The following TRANK1 variants were observed in gnomAD, a reference collection of about 807,000 sequenced individuals.
The protein encoded by TRANK1 is TPR and ankyrin repeat-containing protein 1.
TRANK1 carries 198 observed loss-of-function variants against 266.0 expected under a neutral mutation model. That is an observed-to-expected ratio of 0.74 (90% CI 0.66 to 0.84). The LOEUF (loss-of-function observed/expected upper bound fraction) is 0.84, where lower values mean the gene tolerates loss of function less well. Ranked by LOEUF, TRANK1 falls within the 40% of genes least tolerant of loss-of-function variation. The pLI is 0.00. For synonymous variants in TRANK1, 1,396 were observed against 1,384.1 expected (o/e 1.01, Z -0.19); for missense variants, 3,326 against 3,634.6 (o/e 0.92, Z 2.18).
chr3:36,880,652 C>G (rs2079517042), intron 8 of TRANK1: 1 of 185,480 alleles, frequency 5.4e-6, no homozygotes, highest in Non-Finnish European at 1.2e-5. Context: ...CTTTTTCCAC[C>G]ACAAATTCTC....
chr3:36,906,928 A>G (rs751306033), intron 2 of TRANK1, among the ~76,000 whole-genome samples: 10 of 152,328 alleles, frequency 6.6e-5, no homozygotes, highest in Admixed American at 3.3e-4. Flanking sequence ...TACAATAATT[A>G]AGACATAATG....
intron 9 of TRANK1, among the ~76,000 whole-genome samples, chr3:36,866,446 C>CCAGTAGG (rs1559440095): frequency 6.6e-6 from 1 of 152,106 alleles, no homozygotes; most frequent in East Asian, 1.9e-4. Context: ...AGGAGGAAGA[C>CCAGTAGG]CAGTAGGTGA....
intron 2 of TRANK1, among the ~76,000 whole-genome samples, chr3:36,904,278 C>G (rs576147222): frequency 6.6e-6 from 1 of 151,814 alleles, no homozygotes; most frequent in Non-Finnish European, 1.5e-5. Flanking sequence ...TGCCTGTAAT[C>G]GCAGCACTTC....
chr3:36,856,686 C>G lies in TRANK1; in HGVS notation c.3036G>C (p.Glu1012Asp), dbSNP rs1485935548. 2 of 1,613,934 alleles carry G rather than the reference C, an allele frequency of 1.2e-6. No homozygotes were observed. Among genetic ancestry groups the G allele is most frequent in the Non-Finnish European group, 8.5e-7 (1 of 1,179,916 alleles). Residue 1012 changes from glutamate (E) to aspartate (D), a missense_variant, in exon 13 of 24, where the codon GAG (glutamate) becomes GAC (aspartate). Transcript: ENST00000645898. Reference protein sequence around the residue: ...AEKGREHVNPEYFPPASAVET... With the variant: ...AEKGREHVNPDYFPPASAVET... ...CCACTGCACTGGCTGGGGGAAAGTACTCAGGATTGACATGCTCCCTGCCCT... is the reference window on the plus strand; with the variant it reads ...CCACTGCACTGGCTGGGGGAAAGTAGTCAGGATTGACATGCTCCCTGCCCT...
chr3:36,841,642 G>A (rs1174696990), intron 18 of TRANK1, among the ~76,000 whole-genome samples: 2 of 151,980 alleles, frequency 1.3e-5, no homozygotes, highest in East Asian at 3.9e-4. Flanking sequence ...ATAGAAGGAA[G>A]ACCACTGAGG....
intron 1 of TRANK1, among the ~76,000 whole-genome samples, chr3:36,924,009 G>A (rs181939347): frequency 6.6e-6 from 1 of 152,178 alleles, no homozygotes; most frequent in East Asian, 1.9e-4. Flanking sequence ...CACGTTTGGG[G>A]TAACTCAGGT....
At chr3:36,886,466 T>C (rs2079607670) in intron 8 of TRANK1, among the ~76,000 whole-genome samples, 2 of 152,148 alleles carry the variant, frequency 1.3e-5, no homozygotes, top group South Asian at 2.1e-4. Flanking sequence ...AGGGTTTCTG[T>C]GTTTATAAGA....
intron 15 of TRANK1, chr3:36,851,223 C>G: frequency 2.0e-6 from 2 of 985,992 alleles, no homozygotes; most frequent in Non-Finnish European, 2.4e-6. Context: ...CTAGAGGGGT[C>G]TCTCATGCAA....
upstream of TRANK1, among the ~76,000 whole-genome samples, chr3:36,945,723 C>A (rs1008586691): frequency 6.6e-6 from 1 of 152,196 alleles, no homozygotes; most frequent in Non-Finnish European, 1.5e-5. Context: ...GTCTTCACAG[C>A]TTCTCTGGGC....
In TRANK1 at chr3:36,856,239, G is replaced by A. The variant is rs758863757; in HGVS notation, c.3483C>T (p.Cys1161=). The change falls in exon 13 of 24, where the codon TGC becomes TGT. Residue 1161 remains cysteine (C), a synonymous_variant. Coordinates refer to ENST00000645898, the MANE Select transcript of TRANK1 (RefSeq NM_001329998.2). ...CTGGCTCCACACCGGCTCCTCCTGC[G>A]CAGGCTTCATACTCCTGCTCATCTA... ...ESIDEQEYEA[C]AGGAGVEPAG... The A allele has an allele frequency of 2.6e-5, 42 of 1,612,774 alleles. No homozygotes were observed. Among genetic ancestry groups the A allele is most frequent in the Middle Eastern group, 1.6e-4 (1 of 6,084 alleles).
chr3:36,849,798 G>C (rs2078963504), intron 15 of TRANK1, among the ~76,000 whole-genome samples: 1 of 152,206 alleles, frequency 6.6e-6, no homozygotes, highest in Admixed American at 6.5e-5. Context: ...ATGATAAACT[G>C]AGAGTGTGCT....
At chr3:36,860,856 C>A (rs946461880) in intron 11 of TRANK1, 50 bp downstream of exon 11, 1 of 1,528,452 alleles carries the variant, frequency 6.5e-7, no homozygotes, top group Non-Finnish European at 8.8e-7. Flanking sequence ...GACTCCATCA[C>A]GTGGAGAATG....
intron 10 of TRANK1, among the ~76,000 whole-genome samples, chr3:36,861,766 C>T (rs909428830): frequency 2.8e-5 from 4 of 141,380 alleles, no homozygotes; most frequent in South Asian, 2.2e-4. Context: ...AATACAGTGG[C>T]GCGATCTCGG....
At chr3:36,911,711 T>C (rs900649499) in intron 1 of TRANK1, among the ~76,000 whole-genome samples, 7 of 152,320 alleles carry the variant, frequency 4.6e-5, no homozygotes, top group African/African-American at 1.7e-4. Flanking sequence ...TACAATAGAA[T>C]ACAGATGGCT....
chr3:36,902,749 G>A (rs960761205), intron 3 of TRANK1, among the ~76,000 whole-genome samples: 6 of 152,160 alleles, frequency 3.9e-5, no homozygotes, highest in Non-Finnish European at 8.8e-5. Flanking sequence ...TGAAACTTGC[G>A]AACGGCAAAG....
intron 22 of TRANK1, 83 bp from the exon 23 acceptor site, chr3:36,829,745 C>A: frequency 7.1e-7 from 1 of 1,417,440 alleles, no homozygotes; most frequent in Non-Finnish European, 9.8e-7. Context: ...AGAGTCCCCA[C>A]ATCCCAAGAG....
At position 36,831,032 on chromosome 3, in the gene TRANK1, C is replaced by T; in HGVS notation, c.8551G>A (p.Glu2851Lys). Residue 2851 changes from glutamate to lysine, a missense_variant, in exon 22 of 24, where the codon GAA (glutamate) becomes AAA (lysine). Coordinates refer to ENST00000645898, the MANE Select transcript of TRANK1 (RefSeq NM_001329998.2). This position sits in a 1 kb window ranked among gnomAD's most constrained non-coding sequence, Gnocchi z 5.0. ...ATGTCCTGCACCACCAGCTTGCCTT[C>T]ATCAATGGCCGGGTCCACCTTCTCG... is the stretch of plus-strand genomic sequence containing the variant. ...FHEKVDPAID[E>K]GKLVVQDIEQ... 6.2e-7 allele frequency: 1 copy of T among 1,614,050 alleles called. No homozygotes were observed. The highest frequency in any genetic ancestry group is 8.5e-7 in the Non-Finnish European group (1 of 1,179,902).
At chr3:36,887,887 C>T (rs1284837121) in intron 8 of TRANK1, among the ~76,000 whole-genome samples, 3 of 152,166 alleles carry the variant, frequency 2.0e-5, no homozygotes, top group East Asian at 1.9e-4. Context: ...AAGCTGGAAT[C>T]GTCATACACT....
chr3:36,879,606 A>G lies in TRANK1; in HGVS notation c.908-5310T>C, dbSNP rs184469001. Among the ~76,000 whole-genome samples the G allele has an allele frequency of 3.9e-5, 4 of 103,766 alleles. 1 individual carries two copies. Among genetic ancestry groups the G allele is most frequent in the African/African-American group, 2.1e-4 (4 of 18,658 alleles). The allele number at this position is 103,766 out of a possible 152,430, so 68.1% of individuals were successfully genotyped here. On this transcript the variant is annotated intron_variant, in intron 8 of 23. Transcript: ENST00000645898. ...TAAATATACAAATATATAAATATATATAAATATACAAATATATATAAATAT... is the reference window on the plus strand; with the variant it reads ...TAAATATACAAATATATAAATATATGTAAATATACAAATATATATAAATAT...
Sources: allele counts gnomAD v4.1 joint callset (sites outside exome capture counted in the v4.1 genomes callset), GRCh38; gene constraint gnomAD v4.1.1; non-coding constraint Gnocchi (gnomAD v3.1); transcripts MANE v1.5; gene names NCBI Gene and HGNC (gene_info 2026-07-23, HGNC 2026-07-21).